ARHGEF26: variants seen among roughly 807,000 people sequenced by gnomAD.
ARHGEF26 encodes Rho guanine nucleotide exchange factor (GEF) 26.
A neutral mutation model predicts 89.4 loss-of-function variants in ARHGEF26; 59 were observed. The ratio of observed to expected loss-of-function variants is 0.66; its 90% CI spans 0.54 to 0.82. The LOEUF (loss-of-function observed/expected upper bound fraction) is 0.82, where lower values mean the gene tolerates loss of function less well. ARHGEF26 is among the 40% of genes least tolerant of loss of function. The probability of loss-of-function intolerance (pLI) is 0.00; values close to 1 mark genes in which losing one functional copy is unlikely to be tolerated. For missense variants in ARHGEF26, 1,234 were observed against 1,085.6 expected, an observed-to-expected ratio of 1.14 and a Z score of -1.92; for synonymous variants, 500 against 428.4, an observed-to-expected ratio of 1.17 and a Z score of -2.06.
At chr3:154,195,568 C>T (rs1325673394) in intron 9 of ARHGEF26, among the ~76,000 whole-genome samples, 2 of 152,124 alleles carry the variant, frequency 1.3e-5, no homozygotes, top group Non-Finnish European at 2.9e-5. Context: ...TGGGTGAGCA[C>T]ATTTCAGGAC....
chr3:154,149,797 A>G (rs1398980580), intron 5 of ARHGEF26, among the ~76,000 whole-genome samples: 1 of 152,146 alleles, frequency 6.6e-6, no homozygotes, highest in Non-Finnish European at 1.5e-5. Flanking sequence ...GTCTGTAGAC[A>G]AATGTAGCCT....
intron 9 of ARHGEF26, among the ~76,000 whole-genome samples, chr3:154,208,392 G>A (rs992806284): frequency 6.6e-5 from 10 of 152,114 alleles, no homozygotes; most frequent in Non-Finnish European, 1.0e-4. Context: ...ACCTTTTGGT[G>A]TTTAATTATT....
At chr3:154,141,674 A>G (rs1719394466) in intron 4 of ARHGEF26, among the ~76,000 whole-genome samples, 1 of 152,204 alleles carries the variant, frequency 6.6e-6, no homozygotes, top group Non-Finnish European at 1.5e-5. Context: ...TACCTTATAA[A>G]CCAGTATGTG....
At chr3:154,163,410 C>T (rs773593606) in intron 6 of ARHGEF26, among the ~76,000 whole-genome samples, 1 of 152,080 alleles carries the variant, frequency 6.6e-6, no homozygotes, top group African/African-American at 2.4e-5. Context: ...GGAATTGTAC[C>T]TAGTGAGTTT....
intron 9 of ARHGEF26, among the ~76,000 whole-genome samples, chr3:154,198,648 G>A (rs943791343): frequency 6.6e-6 from 1 of 152,240 alleles, no homozygotes. Context: ...AATATCATGT[G>A]TTCTGACTTA....
chr3:154,124,522 G>A (rs1718208300), intron 3 of ARHGEF26, 73 bp downstream of exon 3: 2 of 1,318,438 alleles, frequency 1.5e-6, no homozygotes, highest in Admixed American at 3.0e-5. Context: ...AAATCCAACT[G>A]CAGTAACAAA....
chr3:154,160,491 G>A (rs187656760), intron 6 of ARHGEF26, among the ~76,000 whole-genome samples: 6 of 152,146 alleles, frequency 3.9e-5, no homozygotes, highest in Non-Finnish European at 8.8e-5. Flanking sequence ...TAAAAATGAT[G>A]GGAAGGTCAA....
At chr3:154,144,137 G>A (rs369588221) in intron 4 of ARHGEF26, among the ~76,000 whole-genome samples, 1 of 152,094 alleles carries the variant, frequency 6.6e-6, no homozygotes, top group African/African-American at 2.4e-5. Context: ...GCATTCAGGG[G>A]GAGCAACTTA....
chr3:154,241,171 G>T (rs1425079749), intron 12 of ARHGEF26, among the ~76,000 whole-genome samples: 1 of 152,242 alleles, frequency 6.6e-6, no homozygotes. Flanking sequence ...GAGTGGCAGT[G>T]AGGGTTAACT....
intron 6 of ARHGEF26, among the ~76,000 whole-genome samples, chr3:154,164,382 T>A (rs974261273): frequency 1.3e-5 from 2 of 152,030 alleles, no homozygotes; most frequent in Non-Finnish European, 2.9e-5. Context: ...TTTTTAATTT[T>A]AAAAATATAT....
chr3:154,165,288 T>G (rs1057279053), intron 6 of ARHGEF26, among the ~76,000 whole-genome samples: 8 of 152,140 alleles, frequency 5.3e-5, no homozygotes, highest in Middle Eastern at 3.2e-3. Context: ...TGTAATATAA[T>G]TTTATTTGTC....
intron 6 of ARHGEF26, among the ~76,000 whole-genome samples, chr3:154,166,549 A>G (rs1186726335): frequency 2.6e-5 from 4 of 152,228 alleles, no homozygotes; most frequent in African/African-American, 9.6e-5. Context: ...TGAGGGAAAC[A>G]TGACATAATA....
chr3:154,241,832 G>A lies in ARHGEF26; in HGVS notation c.2300+1253G>A, dbSNP rs114661103. 3.4e-3 allele frequency among the ~76,000 whole-genome samples: 523 copies of A among 152,328 alleles called. 4 individuals carry two copies. Among genetic ancestry groups the A allele is most frequent in the Non-Finnish European group, 5.7e-3 (391 of 68,032 alleles). ...GGTAATTAGACATCATAACCTCTGG[G>A]ATGATGGAGAATAATGAATCTTATC... On this transcript the variant is annotated intron_variant, in intron 12 of 14. Transcript: ENST00000465093.
intron 13 of ARHGEF26, 130 bp downstream of exon 13, chr3:154,253,313 T>C: frequency 6.1e-6 from 6 of 990,910 alleles, no homozygotes; most frequent in Non-Finnish European, 7.5e-6. Flanking sequence ...CCTTCTGCTT[T>C]ACACCAAAAA....
chr3:154,197,782 A>G lies in ARHGEF26; in HGVS notation c.1845+3064A>G, dbSNP rs538241212. On this transcript the variant is annotated intron_variant, in intron 9 of 14. Transcript: ENST00000465093. ...GCTTACCTCCTGATTTTCTGTTAAC[A>G]TGCTGGGGGGAGAAATTCTAGGGAA... 2.6e-5 allele frequency among the ~76,000 whole-genome samples: 4 copies of G among 152,276 alleles called. 1 individual carries two copies. In the South Asian group the frequency reaches 8.3e-4, roughly 32 times the overall value.
chr3:154,185,008 C>T (rs1429534704), intron 6 of ARHGEF26, among the ~76,000 whole-genome samples: 4 of 152,126 alleles, frequency 2.6e-5, no homozygotes, highest in Non-Finnish European at 5.9e-5. Context: ...GTGCTTTGCT[C>T]CCCTGCTCCC....
intron 11 of ARHGEF26, among the ~76,000 whole-genome samples, chr3:154,228,002 A>G (rs921607112): frequency 2.6e-5 from 4 of 152,210 alleles, no homozygotes; most frequent in African/African-American, 9.6e-5. Flanking sequence ...ATTAAGGTAT[A>G]TGCTCTTCTA....
chr3:154,141,272 C>G (rs1719364030), intron 4 of ARHGEF26, among the ~76,000 whole-genome samples: 1 of 152,162 alleles, frequency 6.6e-6, no homozygotes, highest in Non-Finnish European at 1.5e-5. Flanking sequence ...GCCTTCCATC[C>G]TATTTTTGAA....
intron 2 of ARHGEF26, among the ~76,000 whole-genome samples, chr3:154,123,635 A>G (rs1002833711): frequency 6.6e-6 from 1 of 152,092 alleles, no homozygotes; most frequent in Non-Finnish European, 1.5e-5. Flanking sequence ...AAAGACATAA[A>G]TATTTTGTCA....
Sources: gnomAD v4.1 joint callset for allele counts (sites outside exome capture counted in the v4.1 genomes callset) on GRCh38, gnomAD v4.1.1 for gene constraint, MANE v1.5 for transcripts, NCBI Gene and HGNC (gene_info 2026-07-23, HGNC 2026-07-21) for gene names.